ZNF527: variants seen among roughly 807,000 people sequenced by gnomAD.
ZNF527 encodes zinc finger protein 527.
Under a neutral mutation model 13.5 loss-of-function variants are expected in ZNF527, and 5 were observed. That is an observed-to-expected ratio of 0.37 (90% CI 0.19 to 0.78). The LOEUF (loss-of-function observed/expected upper bound fraction) is 0.78. ZNF527 is among the 30% of genes least tolerant of loss of function. The pLI is 0.48. For missense variants in ZNF527, 628 were observed against 726.4 expected, an observed-to-expected ratio of 0.86 and a Z score of 1.56; for synonymous variants, 209 against 243.1, an observed-to-expected ratio of 0.86 and a Z score of 1.30.
intron 4 of ZNF527, among the ~76,000 whole-genome samples, chr19:37,382,215 C>G (rs547890037): frequency 6.6e-6 from 1 of 151,976 alleles, no homozygotes; most frequent in South Asian, 2.1e-4. Context: ...TAGGTATGCT[C>G]TAGGCTACTG....
chr19:37,389,166 C>A lies in ZNF527; in HGVS notation c.1117C>A (p.Leu373Ile). The A allele has an allele frequency of 6.2e-7, 1 of 1,614,120 alleles. No individual in the cohort carries two copies. Among genetic ancestry groups the A allele is most frequent in the Admixed American group, 1.7e-5 (1 of 60,018 alleles). ...CGKAFSRYAF[L>I]VEHQRIHTGE... ...GAAGGCCTTTAGCCGTTATGCCTTCCTTGTTGAACATCAGAGAATTCACAC... is the reference window on the plus strand; with the variant it reads ...GAAGGCCTTTAGCCGTTATGCCTTCATTGTTGAACATCAGAGAATTCACAC... Residue 373 changes from leucine to isoleucine, a missense_variant, in exon 5 of 5, where the codon CTT becomes ATT. By Grantham distance (5) the Leu-to-Ile change is conservative. Around this residue, in one of 3 missense-constraint regions of ZNF527, gnomAD observed 592 missense variants for 678.0 expected, o/e 0.87. Transcript: ENST00000436120.
chr19:37,373,468 A>G (rs2040575075), intron 1 of ZNF527, among the ~76,000 whole-genome samples: 1 of 152,232 alleles, frequency 6.6e-6, no homozygotes, highest in Admixed American at 6.5e-5. Flanking sequence ...AGAGACTACA[A>G]TGGTCTGGTG....
chr19:37,375,011 T>C (rs2040587519), intron 2 of ZNF527, among the ~76,000 whole-genome samples: 1 of 152,122 alleles, frequency 6.6e-6, no homozygotes, highest in African/African-American at 2.4e-5. Context: ...TGATCAAGGA[T>C]TCGTTGTGGC....
intron 2 of ZNF527, among the ~76,000 whole-genome samples, chr19:37,376,368 A>G (rs1352076927): frequency 4.6e-5 from 7 of 151,786 alleles, no homozygotes; most frequent in Admixed American, 4.6e-4. Flanking sequence ...AAAAAAAAAT[A>G]AAAAATAAAA....
chr19:37,380,392 G>A lies in ZNF527; in HGVS notation c.256+20G>A, dbSNP rs2040644132. 6.2e-7 allele frequency: 1 copy of A among 1,602,770 alleles called. No individual in the cohort carries two copies. Among genetic ancestry groups the A allele is most frequent in the African/African-American group, 1.3e-5 (1 of 74,682 alleles). ...GTGCAGGTGAGTGACAGATCACCAG[G>A]CAGGGAGGACTATTGTAAGGTACTC... is the stretch of plus-strand genomic sequence containing the variant. On this transcript the variant is annotated intron_variant, in intron 4 of 4. Coordinates refer to ENST00000436120, the MANE Select transcript of ZNF527 (RefSeq NM_032453.2).
intron 4 of ZNF527, among the ~76,000 whole-genome samples, chr19:37,386,797 T>C (rs769498243): frequency 1.4e-4 from 22 of 152,218 alleles, no homozygotes; most frequent in Admixed American, 7.2e-4. Flanking sequence ...AAATCTGCTA[T>C]TTGCCTGGAG....
At position 37,390,053 on chromosome 19, in the gene ZNF527, G is replaced by A. The variant is rs992824071; in HGVS notation, c.*174G>A. 8.0e-6 allele frequency: 6 copies of A among 751,552 alleles called. No homozygotes were observed. The highest frequency in any genetic ancestry group is 9.9e-6 in the Non-Finnish European group (5 of 504,704). 46.6% of individuals were successfully genotyped at this position (751,552 alleles called of 1,614,324 possible). A position where few individuals can be genotyped will look rare whatever the true frequency, so the allele number is the denominator to read the frequency against. ...CTGTTACTTTTTTTTTTTTCAGACAGAGTCTCGCTCTGTTGCCCAGGCTGG... is the reference window on the plus strand; with the variant it reads ...CTGTTACTTTTTTTTTTTTCAGACAAAGTCTCGCTCTGTTGCCCAGGCTGG... On this transcript the variant is annotated 3_prime_UTR_variant, in exon 5 of 5. Coordinates refer to ENST00000436120, the MANE Select transcript of ZNF527 (RefSeq NM_032453.2).
At chr19:37,374,725 G>T (rs768029900) in intron 2 of ZNF527, among the ~76,000 whole-genome samples, 9 of 152,210 alleles carry the variant, frequency 5.9e-5, no homozygotes, top group Admixed American at 1.3e-4. Flanking sequence ...GATGTCAGAG[G>T]TATAGCTGGG....
chr19:37,374,315 C>CCAATGAG (rs1258215924), intron 2 of ZNF527, 84 bp downstream of exon 2: 4 of 1,201,030 alleles, frequency 3.3e-6, no homozygotes, highest in Non-Finnish European at 4.9e-6. Context: ...CACAAATAGC[C>CCAATGAG]CAATGAGCAC....
At position 37,389,944 on chromosome 19, in the gene ZNF527, T is replaced by A; in HGVS notation, c.*65T>A. On this transcript the variant is annotated 3_prime_UTR_variant, in exon 5 of 5. Transcript: ENST00000436120. Reference sequence around the variant, plus strand: ...CAATCCTTATTAAATATTAGTGAGTTCTTTTTGGTTAGTAATTCTTTGAAT... The same window carrying A: ...CAATCCTTATTAAATATTAGTGAGTACTTTTTGGTTAGTAATTCTTTGAAT... 1 of 1,497,138 alleles carries A rather than the reference T, an allele frequency of 6.7e-7. No homozygotes were observed. Among genetic ancestry groups the A allele is most frequent in the African/African-American group, 1.4e-5 (1 of 71,624 alleles). The allele number at this position is 1,497,138 out of a possible 1,614,324, so 92.7% of individuals were successfully genotyped here. A position where few individuals can be genotyped will look rare whatever the true frequency, so the allele number is the denominator to read the frequency against.
At chr19:37,377,359 T>C (rs1210685270) in intron 2 of ZNF527, among the ~76,000 whole-genome samples, 3 of 152,048 alleles carry the variant, frequency 2.0e-5, no homozygotes, top group Non-Finnish European at 4.4e-5. Flanking sequence ...TAAGTACATA[T>C]GGTGGCTGGA....
At chr19:37,379,463 T>A in intron 3 of ZNF527, 2 of 250,686 alleles carry the variant, frequency 8.0e-6, no homozygotes, top group Non-Finnish European at 7.2e-6. Flanking sequence ...GTAATTTCTT[T>A]TTTTTTTTTT....
chr19:37,377,875 G>A (rs990509026), intron 2 of ZNF527, among the ~76,000 whole-genome samples: 7 of 152,062 alleles, frequency 4.6e-5, no homozygotes, highest in Non-Finnish European at 2.9e-5. Context: ...ATGGGACAAC[G>A]GAGTTTATTG....
At chr19:37,383,714 T>C (rs1444415839) in intron 4 of ZNF527, among the ~76,000 whole-genome samples, 1 of 151,760 alleles carries the variant, frequency 6.6e-6, no homozygotes, top group Non-Finnish European at 1.5e-5. Context: ...AATTGTTGTA[T>C]TTTTAGTAGA....
intron 4 of ZNF527, 24 bp from the exon 5 acceptor site, chr19:37,388,282 A>G: frequency 3.1e-6 from 5 of 1,601,188 alleles, no homozygotes; most frequent in Non-Finnish European, 3.4e-6. Flanking sequence ...CAAAGGAGAC[A>G]TTTGCTTTCT....
intron 1 of ZNF527, among the ~76,000 whole-genome samples, chr19:37,372,774 GTC>G (rs1348871262): frequency 2.0e-5 from 3 of 152,026 alleles, no homozygotes; most frequent in African/African-American, 7.3e-5. Flanking sequence ...TGCCCAGCCT[GTC>G]TCTATTTTTA....
At position 37,389,136 on chromosome 19, in the gene ZNF527, T is replaced by C. The variant is rs1159010240; in HGVS notation, c.1087T>C (p.Cys363Arg). Reference sequence around the variant, plus strand: ...AGAGAAACCGTTTGCGTGCAATGAATGTGGGAAGGCCTTTAGCCGTTATGC... The same window carrying C: ...AGAGAAACCGTTTGCGTGCAATGAACGTGGGAAGGCCTTTAGCCGTTATGC... ...TGEKPFACNECGKAFSRYAFL... is the reference protein window; with the variant it reads ...TGEKPFACNERGKAFSRYAFL... The change falls in exon 5 of 5, where the codon TGT becomes CGT. Residue 363 changes from cysteine (C) to arginine (R), a missense_variant. By Grantham distance (180) the Cys-to-Arg change is radical. Transcript: ENST00000436120. The C allele has an allele frequency of 1.9e-6, 3 of 1,614,214 alleles. No homozygotes were observed. The highest frequency in any genetic ancestry group is 1.1e-5 in the South Asian group (1 of 91,086).
intron 2 of ZNF527, among the ~76,000 whole-genome samples, chr19:37,374,887 C>T (rs2040586486): frequency 6.6e-6 from 1 of 152,170 alleles, no homozygotes; most frequent in African/African-American, 2.4e-5. Context: ...GCAGAGAGGC[C>T]AGTCAGGAGA....
At chr19:37,373,638 A>G (rs1336605850) in intron 1 of ZNF527, among the ~76,000 whole-genome samples, 1 of 152,196 alleles carries the variant, frequency 6.6e-6, no homozygotes, top group Non-Finnish European at 1.5e-5. Context: ...GTAAAGAAAA[A>G]TGGAGTACCT....
Sources: allele counts gnomAD v4.1 joint callset (sites outside exome capture counted in the v4.1 genomes callset), GRCh38; gene constraint gnomAD v4.1.1; regional missense constraint gnomAD v4.1.1; transcripts MANE v1.5; gene names NCBI Gene and HGNC (gene_info 2026-07-23, HGNC 2026-07-21).